Variants in KLF11 observed in about 807,000 individuals in gnomAD.
KLF11 encodes KLF transcription factor 11, also known as Krueppel-like factor 11.
KLF11 carries 26 observed loss-of-function variants against 29.9 expected under a neutral mutation model. The observed-to-expected ratio is 0.87, with a 90% CI of 0.64 to 1.21. The LOEUF is 1.21. Among genes scored for constraint, KLF11 ranks in the 50% most tolerant of loss-of-function variants. KLF11 has a pLI of 0.00. For synonymous variants in KLF11, 318 were observed against 257.4 expected (o/e 1.24, Z -2.25); for missense variants, 778 against 665.7 (o/e 1.17, Z -1.86).
chr2:10,046,852 A>G (rs975933121), intron 2 of KLF11, among the ~76,000 whole-genome samples: 1 of 152,180 alleles, frequency 6.6e-6, no homozygotes, highest in African/African-American at 2.4e-5. Context: ...GCGAGACCCC[A>G]TCTCAAAAAA....
At chr2:10,045,985 A>G (rs544934038) in intron 1 of KLF11, among the ~76,000 whole-genome samples, 165 bp from the exon 2 acceptor site, 2 of 152,370 alleles carry the variant, frequency 1.3e-5, no homozygotes, top group South Asian at 2.1e-4. Context: ...TGTCATGAGC[A>G]TTCCTTGAAT....
rs755010681 is a variant in KLF11 at position 10,052,249 on chromosome 2, C to T, written c.1281C>T (p.Ser427=). The change falls in exon 4 of 4, where the codon AGC becomes AGT. Residue 427 remains serine, a synonymous_variant. Coordinates refer to ENST00000305883, the MANE Select transcript of KLF11 (RefSeq NM_003597.5). Reference sequence around the variant, plus strand: ...CAGGGGAGAAGCCTTTCAACTGCAGCTGGGATGGCTGTGATAAAAAGTTTG... The same window carrying T: ...CAGGGGAGAAGCCTTTCAACTGCAGTTGGGATGGCTGTGATAAAAAGTTTG... ...THTGEKPFNC[S]WDGCDKKFAR... is the part of the protein sequence containing the mutation. 1 of 1,614,158 alleles carries T rather than the reference C, an allele frequency of 6.2e-7. No individual in the cohort carries two copies. Among genetic ancestry groups the T allele is most frequent in the South Asian group, 1.1e-5 (1 of 91,086 alleles).
chr2:10,052,322 A>G lies in KLF11; in HGVS notation c.1354A>G (p.Lys452Glu). Residue 452 changes from lysine (K) to glutamate (E), a missense_variant, in exon 4 of 4, where the codon AAG (lysine) becomes GAG (glutamate). Physicochemically the swap from Lys to Glu is moderately conservative, Grantham distance 56. Coordinates refer to ENST00000305883, the MANE Select transcript of KLF11 (RefSeq NM_003597.5). ...CCACCGCAGAACTCACACAGGGGAG[A>G]AGAAGTTTGTGTGCCCGGTGTGTGA... ...SRHRRTHTGEKKFVCPVCDRR... is the reference protein window; with the variant it reads ...SRHRRTHTGEEKFVCPVCDRR... The G allele has an allele frequency of 2.5e-6, 4 of 1,613,930 alleles. No homozygotes were observed. The highest frequency in any genetic ancestry group is 3.4e-6 in the Non-Finnish European group (4 of 1,179,950).
In KLF11 at chr2:10,047,841, C is replaced by G. The variant is rs1158486463; in HGVS notation, c.504C>G (p.Cys168Trp). ...LGLEPVPSSP[C>W]RAKGTSVIRH... is the part of the protein sequence containing the mutation. ...TGGAGCCAGTGCCCAGCTCTCCCTG[C>G]AGGGCCAAGGGGACTAGCGTGATCC... Residue 168 changes from cysteine (C) to tryptophan (W), a missense_variant, in exon 3 of 4, where the codon TGC becomes TGG. Physicochemically the swap from Cys to Trp is radical, Grantham distance 215. Coordinates refer to ENST00000305883, the MANE Select transcript of KLF11 (RefSeq NM_003597.5). The G allele has an allele frequency of 2.5e-6, 4 of 1,613,704 alleles. No homozygotes were observed. The highest frequency in any genetic ancestry group is 2.7e-5 in the African/African-American group (2 of 74,922).
At chr2:10,046,082 C>G in intron 1 of KLF11, 68 bp from the exon 2 acceptor site, 1 of 1,580,388 alleles carries the variant, frequency 6.3e-7, no homozygotes, top group Non-Finnish European at 8.7e-7. Flanking sequence ...TGCATATCCA[C>G]ATGCCCATCA....
In KLF11 at chr2:10,047,690, C is replaced by T. The variant is rs748350805; in HGVS notation, c.353C>T (p.Ser118Leu). The change falls in exon 3 of 4, where the codon TCG becomes TTG. Residue 118 changes from serine (S) to leucine (L), a missense_variant. Transcript: ENST00000305883. ...PPQSPDLVEPSTRTPVSPQVT... is the reference protein window; with the variant it reads ...PPQSPDLVEPLTRTPVSPQVT... ...CAGAGCCCTGATCTCGTGGAGCCAT[C>T]GACAAGGACACCTGTTTCTCCCCAA... 56 of 1,613,234 alleles carry T rather than the reference C, an allele frequency of 3.5e-5. 1 individual carries two copies. The highest frequency in any genetic ancestry group is 4.0e-5 in the Non-Finnish European group (47 of 1,180,004).
chr2:10,045,988 C>T (rs1032784338), intron 1 of KLF11, among the ~76,000 whole-genome samples, 162 bp from the exon 2 acceptor site: 6 of 152,246 alleles, frequency 3.9e-5, no homozygotes, highest in Non-Finnish European at 5.9e-5. Flanking sequence ...CATGAGCATT[C>T]CTTGAATGTC....
Position 10,054,780 on chromosome 2 carries a change from C to A in KLF11, c.*2273C>A, listed in dbSNP as rs534714754. ...GTAACAGACTTTGACATTATTTAAA[C>A]GAGCATGTGTAATGTAACTTTTCTC... On this transcript the variant is annotated 3_prime_UTR_variant, in exon 4 of 4. Coordinates refer to ENST00000305883, the MANE Select transcript of KLF11 (RefSeq NM_003597.5). The A allele has an allele frequency of 6.6e-6, 1 of 152,530 alleles. No individual in the cohort carries two copies. The highest frequency in any genetic ancestry group is 1.5e-5 in the Non-Finnish European group (1 of 68,038). The allele number at this position is 152,530 out of a possible 1,614,324, so 9.4% of individuals were successfully genotyped here.
Position 10,047,926 on chromosome 2 carries a change from C to T in KLF11, c.589C>T (p.Leu197Phe), listed in dbSNP as rs1661268726. 1 of 1,613,862 alleles carries T rather than the reference C, an allele frequency of 6.2e-7. No homozygotes were observed. The highest frequency in any genetic ancestry group is 8.5e-7 in the Non-Finnish European group (1 of 1,180,040). Residue 197 changes from leucine (L) to phenylalanine (F), a missense_variant, in exon 3 of 4, where the codon CTT becomes TTT. Leu to Phe is a conservative substitution (Grantham distance 22, BLOSUM62 0). Coordinates refer to ENST00000305883, the MANE Select transcript of KLF11 (RefSeq NM_003597.5). Reference protein sequence around the residue: ...FPTIQTPDCRLSDSREGEEQL... With the variant: ...FPTIQTPDCRFSDSREGEEQL... ...CACCATCCAGACTCCAGATTGCCGGCTTTCTGACAGCAGAGAAGGAGAAGA... is the reference window on the plus strand; with the variant it reads ...CACCATCCAGACTCCAGATTGCCGGTTTTCTGACAGCAGAGAAGGAGAAGA...
chr2:10,045,069 C>T (rs1171561549), intron 1 of KLF11, among the ~76,000 whole-genome samples: 1 of 152,082 alleles, frequency 6.6e-6, no homozygotes, highest in African/African-American at 2.4e-5. Context: ...TCGCTTGAAC[C>T]TGGGAGGCAG....
At chr2:10,047,546 T>A in intron 2 of KLF11, 104 bp from the exon 3 acceptor site, 2 of 1,002,468 alleles carry the variant, frequency 2.0e-6, no homozygotes, top group Non-Finnish European at 3.1e-6. Flanking sequence ...CAGGGTTAAC[T>A]GAGTGTCTAG....
intron 1 of KLF11, 78 bp from the exon 2 acceptor site, chr2:10,046,072 T>G: frequency 6.5e-7 from 1 of 1,537,204 alleles, no homozygotes. Context: ...GCTTCTGATA[T>G]GCATATCCAC....
At chr2:10,044,312 G>A in intron 1 of KLF11, 2 of 985,608 alleles carry the variant, frequency 2.0e-6, no homozygotes, top group Non-Finnish European at 1.2e-6. Context: ...GCTTGGAGGC[G>A]GGAACGCGGC....
At position 10,054,223 on chromosome 2, in the gene KLF11, C is replaced by G. The variant is rs1232109595; in HGVS notation, c.*1716C>G. 2 of 152,194 alleles carry G rather than the reference C, an allele frequency of 1.3e-5. No homozygotes were observed. Among genetic ancestry groups the G allele is most frequent in the Non-Finnish European group, 2.9e-5 (2 of 68,042 alleles). The allele number at this position is 152,194 out of a possible 1,614,324, so 9.4% of individuals were successfully genotyped here. ...GTTCATGTTTCCTCACCACCCAGTC[C>G]TTTCTCCTGCTCATCAAAATCAGCA... On this transcript the variant is annotated 3_prime_UTR_variant, in exon 4 of 4. Transcript: ENST00000305883.
intron 2 of KLF11, among the ~76,000 whole-genome samples, chr2:10,047,312 C>A (rs562528611): frequency 6.6e-6 from 1 of 152,194 alleles, no homozygotes; most frequent in Non-Finnish European, 1.5e-5. Context: ...GGGCTGGAAG[C>A]TTGCTCTGAA....
chr2:10,051,724 A>G (rs577872304), intron 3 of KLF11, among the ~76,000 whole-genome samples: 11 of 142,816 alleles, frequency 7.7e-5, no homozygotes, highest in South Asian at 2.2e-4. Context: ...TCACCGTGTT[A>G]GCCAGGATGG....
At position 10,053,232 on chromosome 2, in the gene KLF11, C is replaced by T. The variant is rs1305395654; in HGVS notation, c.*725C>T. Reference sequence around the variant, plus strand: ...CCATGGTGTGTCATGAAGGATGTACCCCAGAGAGTAACATGAGCCACTGGG... The same window carrying T: ...CCATGGTGTGTCATGAAGGATGTACTCCAGAGAGTAACATGAGCCACTGGG... On this transcript the variant is annotated 3_prime_UTR_variant, in exon 4 of 4. Transcript: ENST00000305883. The T allele has an allele frequency of 5.0e-6, 2 of 398,548 alleles. No homozygotes were observed. Among genetic ancestry groups the T allele is most frequent in the Admixed American group, 4.4e-5 (1 of 22,698 alleles). 24.7% of individuals were successfully genotyped at this position (398,548 alleles called of 1,614,324 possible). A position where few individuals can be genotyped will look rare whatever the true frequency, so the allele number is the denominator to read the frequency against.
rs1318829167 is a variant in KLF11, at chr2:10,053,261, A to G, written c.*754A>G. 2.5e-6 allele frequency: 1 copy of G among 398,596 alleles called. No individual in the cohort carries two copies. Among genetic ancestry groups the G allele is most frequent in the African/African-American group, 2.1e-5 (1 of 48,630 alleles). The allele number at this position is 398,596 out of a possible 1,614,324, so 24.7% of individuals were successfully genotyped here. On this transcript the variant is annotated 3_prime_UTR_variant, in exon 4 of 4. Coordinates refer to ENST00000305883, the MANE Select transcript of KLF11 (RefSeq NM_003597.5). ...GAGAGTAACATGAGCCACTGGGCAG[A>G]TCCCAGGGACCAGTACTTGCTGCAG... is the stretch of plus-strand genomic sequence containing the variant.
chr2:10,049,100 A>C (rs774217600), intron 3 of KLF11, among the ~76,000 whole-genome samples: 1 of 152,198 alleles, frequency 6.6e-6, no homozygotes, highest in Non-Finnish European at 1.5e-5. Context: ...AAAGTAAGTC[A>C]CACAAGAAAC....
Sources: allele counts gnomAD v4.1 joint callset (sites outside exome capture counted in the v4.1 genomes callset), GRCh38; gene constraint gnomAD v4.1.1; transcripts MANE v1.5; gene names NCBI Gene and HGNC (gene_info 2026-07-23, HGNC 2026-07-21).